PRR5L: variants seen among roughly 807,000 people sequenced by gnomAD.
The protein encoded by PRR5L is proline-rich protein 5-like.
A neutral mutation model predicts 36.4 loss-of-function variants in PRR5L; 21 were observed. The observed-to-expected ratio is 0.58, with a 90% CI of 0.41 to 0.83. PRR5L has a LOEUF of 0.83. Among genes scored for constraint, PRR5L ranks in the 40% least tolerant of loss-of-function variants. PRR5L has a pLI of 0.00. For missense variants in PRR5L, 381 were observed against 473.3 expected (o/e 0.80, Z 1.81); for synonymous variants, 188 against 197.0 (o/e 0.95, Z 0.38).
At chr11:36,419,735 G>T (rs1397912145) in intron 4 of PRR5L, among the ~76,000 whole-genome samples, 2 of 152,214 alleles carry the variant, frequency 1.3e-5, no homozygotes, top group Non-Finnish European at 2.9e-5. Context: ...CTTCATAGAA[G>T]ACAGTTGGAT....
chr11:36,324,867 T>C (rs1396920106), intron 1 of PRR5L, among the ~76,000 whole-genome samples: 2 of 152,188 alleles, frequency 1.3e-5, no homozygotes, highest in Non-Finnish European at 2.9e-5. Flanking sequence ...TTTATTTTCT[T>C]AATTTTAGTG....
intron 6 of PRR5L, among the ~76,000 whole-genome samples, chr11:36,438,427 T>C (rs927563081): frequency 3.9e-5 from 6 of 152,202 alleles, no homozygotes; most frequent in Admixed American, 3.3e-4. Context: ...TTTAAAGGAA[T>C]TTTGGATTGC....
intron 1 of PRR5L, among the ~76,000 whole-genome samples, chr11:36,313,135 G>T (rs1856520875): frequency 6.6e-6 from 1 of 152,238 alleles, no homozygotes; most frequent in Admixed American, 6.5e-5. Flanking sequence ...AACTCTAAAA[G>T]TTAATAGTTC....
intron 6 of PRR5L, 27 bp from the exon 7 acceptor site, chr11:36,446,273 C>T (rs548986203): frequency 2.0e-4 from 329 of 1,610,454 alleles, no homozygotes; most frequent in South Asian, 9.7e-4. Context: ...TCTCACCTCC[C>T]GGCCCTCTCT....
chr11:36,296,771 G>A (rs1205417575), intron 1 of PRR5L, among the ~76,000 whole-genome samples: 1 of 152,180 alleles, frequency 6.6e-6, no homozygotes, highest in Non-Finnish European at 1.5e-5. Flanking sequence ...TATTGCATAT[G>A]TATACCTATT....
At chr11:36,402,522 C>T (rs904723801) in intron 2 of PRR5L, among the ~76,000 whole-genome samples, 1 of 152,160 alleles carries the variant, frequency 6.6e-6, no homozygotes, top group Admixed American at 6.5e-5. Flanking sequence ...GGATTACAGG[C>T]GTGAGCCACT....
intron 1 of PRR5L, among the ~76,000 whole-genome samples, chr11:36,363,562 C>T (rs539628535): frequency 4.3e-4 from 65 of 152,290 alleles, no homozygotes; most frequent in Admixed American, 3.9e-4. Flanking sequence ...CCTCCTGACC[C>T]GCCTTTGAGA....
intron 1 of PRR5L, chr11:36,381,594 T>G (rs910325452): frequency 2.6e-5 from 4 of 152,082 alleles, no homozygotes; most frequent in Admixed American, 2.6e-4. Context: ...ATGCTGCCAT[T>G]TAATTCTAAA....
chr11:36,421,100 A>AT lies in PRR5L; in HGVS notation c.294+1805dup, dbSNP rs1042197355. ...CTTCTCTTGCTGTCTCTACTGATTG[A>AT]TTTTTTTTAAAGCTAACTACAGAGA... On this transcript the variant is annotated intron_variant, in intron 4 of 8. Transcript: ENST00000530639. Among the ~76,000 whole-genome samples the AT allele has an allele frequency of 1.4e-4, 21 of 152,234 alleles. 1 individual carries two copies. The highest frequency in any genetic ancestry group is 3.4e-3 in the Middle Eastern group (1 of 294).
intron 4 of PRR5L, chr11:36,426,216 A>ACTCTC (rs2133592060): frequency 6.6e-6 from 1 of 152,322 alleles, no homozygotes; most frequent in Admixed American, 6.5e-5. Flanking sequence ...AAGGCAGGAG[A>ACTCTC]GCATGATGTC....
chr11:36,419,123 G>A (rs1858210482), intron 3 of PRR5L, 132 bp from the exon 4 acceptor site: 3 of 767,968 alleles, frequency 3.9e-6, no homozygotes, highest in Admixed American at 1.8e-5. Context: ...GGGGAAGGGG[G>A]ACCAGGACCT....
chr11:36,305,047 CA>C lies in PRR5L; in HGVS notation c.-126+8610del, dbSNP rs371679216. Among the ~76,000 whole-genome samples, 861 of 152,270 alleles carry C rather than the reference CA, an allele frequency of 5.7e-3. 11 individuals are homozygous for C. The highest frequency in any genetic ancestry group is 0.019 in the African/African-American group (784 of 41,544). ...GGTATATACTCAAGAGAAATAAAAACACATGTTGCCACAAAAATTCGTTTAG... is the reference window on the plus strand; with the variant it reads ...GGTATATACTCAAGAGAAATAAAAACCATGTTGCCACAAAAATTCGTTTAG... On this transcript the variant is annotated intron_variant, in intron 1 of 8. Transcript: ENST00000530639.
rs141758389 is a variant in PRR5L, at chr11:36,299,660, A to C, written c.-126+3222A>C. 3.5e-3 allele frequency among the ~76,000 whole-genome samples: 529 copies of C among 152,304 alleles called. 2 individuals carry two copies. The highest frequency in any genetic ancestry group is 6.1e-3 in the Non-Finnish European group (412 of 68,030). On this transcript the variant is annotated intron_variant, in intron 1 of 8. Transcript: ENST00000530639. ...AAGAACCCTAGGAGTTCTTCTGCAT[A>C]TGGAAGAGGAATCTGGAGCTCAGAA... is the stretch of plus-strand genomic sequence containing the variant.
rs536682374 is a variant in PRR5L, at chr11:36,342,578, T to A, written c.-126+46140T>A. On this transcript the variant is annotated intron_variant, in intron 1 of 8. Transcript: ENST00000530639. ...GTTATCTGAGCAGAGTACTTTCTGG[T>A]TCAATTTCTCTGATAAAACCACCCT... is the stretch of plus-strand genomic sequence containing the variant. Among the ~76,000 whole-genome samples, 42 of 152,250 alleles carry A rather than the reference T, an allele frequency of 2.8e-4. 1 individual carries two copies. Among genetic ancestry groups the A allele is most frequent in the African/African-American group, 1.0e-3 (42 of 41,556 alleles).
At chr11:36,368,711 A>G (rs1467517481) in intron 1 of PRR5L, among the ~76,000 whole-genome samples, 1 of 152,254 alleles carries the variant, frequency 6.6e-6, no homozygotes, top group Non-Finnish European at 1.5e-5. Context: ...CTATTAAGCC[A>G]GGCATTAAAG....
chr11:36,335,227 G>T (rs1018108395), intron 1 of PRR5L, among the ~76,000 whole-genome samples: 1 of 152,048 alleles, frequency 6.6e-6, no homozygotes, highest in Non-Finnish European at 1.5e-5. Flanking sequence ...ATTACGCCAG[G>T]CTAATTTTTG....
In PRR5L at chr11:36,400,937, T is replaced by A. The variant is rs143395149; in HGVS notation, c.-125-60T>A. On this transcript the variant is annotated intron_variant, in intron 1 of 8. Transcript: ENST00000530639. ...GTTAGGCTGGAAAGTCCCAGCCAAC[T>A]TCCTCTAAGAGGTGTTCTCAGGCCA... 81 of 1,321,052 alleles carry A rather than the reference T, an allele frequency of 6.1e-5. No homozygotes were observed. In the African/African-American group the frequency reaches 1.0e-3, roughly 17 times the overall value. 81.8% of individuals were successfully genotyped at this position (1,321,052 alleles called of 1,614,324 possible).
chr11:36,410,675 G>A (rs1324164528), intron 3 of PRR5L, among the ~76,000 whole-genome samples: 3 of 152,198 alleles, frequency 2.0e-5, no homozygotes, highest in Non-Finnish European at 4.4e-5. Context: ...CACCCACTAG[G>A]ATGCCGACAC....
intron 2 of PRR5L, 75 bp from the exon 3 acceptor site, chr11:36,403,223 T>A: frequency 7.6e-7 from 1 of 1,316,942 alleles, no homozygotes; most frequent in Non-Finnish European, 1.1e-6. Flanking sequence ...TCCACACACC[T>A]TCAGCCCTGA....
Sources: gnomAD v4.1 joint callset for allele counts (sites outside exome capture counted in the v4.1 genomes callset) on GRCh38, gnomAD v4.1.1 for gene constraint, MANE v1.5 for transcripts, NCBI Gene and HGNC (gene_info 2026-07-23, HGNC 2026-07-21) for gene names.